Variants in CPNE8 observed in about 807,000 individuals in gnomAD.
CPNE8 encodes the protein copine-8.
Under a neutral mutation model 81.5 loss-of-function variants are expected in CPNE8, and 45 were observed. The observed-to-expected ratio is 0.55, with a 90% CI of 0.44 to 0.71. The LOEUF (loss-of-function observed/expected upper bound fraction) is 0.71. Ranked by LOEUF, CPNE8 falls within the 30% of genes least tolerant of loss-of-function variation. The pLI is 0.00. For synonymous variants in CPNE8, 252 were observed against 226.3 expected, an observed-to-expected ratio of 1.11 and a Z score of -1.02; for missense variants, 594 against 672.1, an observed-to-expected ratio of 0.88 and a Z score of 1.28.
At chr12:38,775,845 T>C (rs745421120) in intron 7 of CPNE8, among the ~76,000 whole-genome samples, 6 of 152,198 alleles carry the variant, frequency 3.9e-5, no homozygotes, top group Non-Finnish European at 7.3e-5. Context: ...AAATATCTTA[T>C]ACAAATGGGG....
chr12:38,840,066 C>A, intron 4 of CPNE8, 111 bp from the exon 5 acceptor site: 1 of 1,083,502 alleles, frequency 9.2e-7, no homozygotes, highest in Non-Finnish European at 1.3e-6. Flanking sequence ...AAAATAATAC[C>A]AATAGGAAGA....
At chr12:38,851,037 C>T (rs766595013) in intron 3 of CPNE8, among the ~76,000 whole-genome samples, 3 of 152,194 alleles carry the variant, frequency 2.0e-5, no homozygotes, top group Admixed American at 6.5e-5. Context: ...TTTGCCCTTC[C>T]GTCTTCCACC....
chr12:38,715,115 A>C (rs916592158), intron 13 of CPNE8, among the ~76,000 whole-genome samples: 3 of 152,086 alleles, frequency 2.0e-5, no homozygotes, highest in African/African-American at 7.2e-5. Context: ...TAAAATTTTA[A>C]ATTGCAATTC....
intron 19 of CPNE8, among the ~76,000 whole-genome samples, chr12:38,654,514 C>CAAAAA (rs71068569): frequency 0.027 from 2,597 of 97,418 alleles, 76 homozygotes; most frequent in African/African-American, 0.042. Flanking sequence ...GACTCTGTCT[C>CAAAAA]AAAAAAAAAA....
At chr12:38,773,734 A>C (rs1054696640) in intron 7 of CPNE8, among the ~76,000 whole-genome samples, 2 of 152,142 alleles carry the variant, frequency 1.3e-5, no homozygotes, top group African/African-American at 4.8e-5. Context: ...CAATACTTTT[A>C]ATGTTCCCTA....
chr12:38,864,965 C>A (rs1377992873), intron 3 of CPNE8, among the ~76,000 whole-genome samples: 2 of 152,096 alleles, frequency 1.3e-5, no homozygotes, highest in Non-Finnish European at 2.9e-5. Flanking sequence ...GATACGCAAG[C>A]AACAAGGAAT....
At chr12:38,847,567 T>C (rs987060603) in intron 4 of CPNE8, among the ~76,000 whole-genome samples, 29 of 152,178 alleles carry the variant, frequency 1.9e-4, no homozygotes, top group African/African-American at 6.5e-4. Flanking sequence ...CAAATGTGGA[T>C]GTAATAAATT....
At chr12:38,774,746 C>T (rs915513139) in intron 7 of CPNE8, among the ~76,000 whole-genome samples, 2 of 151,982 alleles carry the variant, frequency 1.3e-5, no homozygotes, top group Middle Eastern at 3.2e-3. Flanking sequence ...AAAACCAAAA[C>T]TTGAGTCTGA....
At chr12:38,837,290 T>A (rs1005020372) in intron 5 of CPNE8, among the ~76,000 whole-genome samples, 1 of 152,116 alleles carries the variant, frequency 6.6e-6, no homozygotes, top group African/African-American at 2.4e-5. Flanking sequence ...GAGTAAACTG[T>A]GTTGATGAAT....
At chr12:38,801,245 G>C (rs1378966063) in intron 6 of CPNE8, among the ~76,000 whole-genome samples, 2 of 39,232 alleles carry the variant, frequency 5.1e-5, no homozygotes, top group Non-Finnish European at 1.0e-4. Flanking sequence ...AAATGTTAAG[G>C]GCAGCCAGAG....
chr12:38,776,116 G>T (rs1941929528), intron 7 of CPNE8, 122 bp downstream of exon 7: 2 of 408,182 alleles, frequency 4.9e-6, no homozygotes, highest in Admixed American at 6.6e-5. Context: ...GATATTTTAT[G>T]GGTTATAAAA....
chr12:38,841,846 T>A (rs991824035), intron 4 of CPNE8, among the ~76,000 whole-genome samples: 1 of 152,132 alleles, frequency 6.6e-6, no homozygotes, highest in Admixed American at 6.5e-5. Flanking sequence ...GTCCTGTGAC[T>A]TCCTTTCCAC....
At chr12:38,817,797 G>A (rs1018539441) in intron 6 of CPNE8, among the ~76,000 whole-genome samples, 4 of 151,500 alleles carry the variant, frequency 2.6e-5, no homozygotes, top group Admixed American at 6.6e-5. Flanking sequence ...CTAATTTTTC[G>A]TATTTTTAGT....
chr12:38,690,175 T>C (rs941656152), intron 15 of CPNE8, among the ~76,000 whole-genome samples: 1 of 152,186 alleles, frequency 6.6e-6, no homozygotes, highest in Non-Finnish European at 1.5e-5. Context: ...CACAAATTCA[T>C]ACCATGGAAA....
At chr12:38,799,270 T>A in intron 6 of CPNE8, among the ~76,000 whole-genome samples, 1 of 152,042 alleles carries the variant, frequency 6.6e-6, no homozygotes, top group Non-Finnish European at 1.5e-5. Context: ...ACCACACCTA[T>A]TCCAAAATTG....
chr12:38,714,109 G>T lies in CPNE8; in HGVS notation c.914+9663C>A, dbSNP rs191162074. Among the ~76,000 whole-genome samples the T allele has an allele frequency of 1.1e-3, 165 of 152,238 alleles. 2 individuals carry two copies. The highest frequency in any genetic ancestry group is 7.4e-5 in the Non-Finnish European group (5 of 67,992). On this transcript the variant is annotated intron_variant, in intron 13 of 19. Transcript: ENST00000331366. ...GACTAAAAGGCAGAAGAACCAAATTGAAATTTATGATTCTGTCTTCAGACA... is the reference window on the plus strand; with the variant it reads ...GACTAAAAGGCAGAAGAACCAAATTTAAATTTATGATTCTGTCTTCAGACA...
intron 5 of CPNE8, among the ~76,000 whole-genome samples, chr12:38,833,489 T>TTC (rs938749951): frequency 1.3e-5 from 2 of 149,198 alleles, no homozygotes; most frequent in Non-Finnish European, 3.0e-5. Context: ...CTTTTTTTTT[T>TTC]TTTTTTGAGA....
At chr12:38,746,814 A>G (rs1466060831) in intron 10 of CPNE8, among the ~76,000 whole-genome samples, 1 of 152,226 alleles carries the variant, frequency 6.6e-6, no homozygotes, top group African/African-American at 2.4e-5. Context: ...GCTCAATTTT[A>G]AAACAGGAAC....
chr12:38,852,696 C>A (rs959746988), intron 3 of CPNE8, among the ~76,000 whole-genome samples: 3 of 152,096 alleles, frequency 2.0e-5, no homozygotes, highest in African/African-American at 7.2e-5. Context: ...TTGATTTACA[C>A]CTGAATAAAA....
Sources: gnomAD v4.1 joint callset for allele counts (sites outside exome capture counted in the v4.1 genomes callset) on GRCh38, gnomAD v4.1.1 for gene constraint, MANE v1.5 for transcripts, NCBI Gene and HGNC (gene_info 2026-07-23, HGNC 2026-07-21) for gene names.